EPHB2: variants seen among roughly 807,000 people sequenced by gnomAD.
The protein encoded by EPHB2 is EPH receptor B2.
A neutral mutation model predicts 96.4 loss-of-function variants in EPHB2; 18 were observed. The observed-to-expected ratio is 0.19, with a 90% confidence interval of 0.13 to 0.28. The LOEUF (loss-of-function observed/expected upper bound fraction) is 0.28, where lower values mean the gene tolerates loss of function less well. Among genes scored for constraint, EPHB2 ranks in the 10% least tolerant of loss-of-function variants. The pLI, the probability that EPHB2 is intolerant of heterozygous loss-of-function variation, is 1.00. For synonymous variants in EPHB2, 506 were observed against 534.1 expected, an observed-to-expected ratio of 0.95 and a Z score of 0.72; for missense variants, 989 against 1,355.4, an observed-to-expected ratio of 0.73 and a Z score of 4.25.
intron 3 of EPHB2, among the ~76,000 whole-genome samples, chr1:22,787,539 C>T (rs1644629962): frequency 6.6e-6 from 1 of 152,100 alleles, no homozygotes; most frequent in African/African-American, 2.4e-5. Context: ...TGCTTGAGCC[C>T]AGGAGTTTCA....
chr1:22,807,961 C>T (rs2817877), intron 3 of EPHB2, among the ~76,000 whole-genome samples: 1 of 152,096 alleles, frequency 6.6e-6, no homozygotes, highest in Non-Finnish European at 1.5e-5. Flanking sequence ...TGGTGAAACC[C>T]TGTCTCTACT....
chr1:22,711,950 T>A (rs891555896), intron 1 of EPHB2, among the ~76,000 whole-genome samples: 6 of 152,198 alleles, frequency 3.9e-5, no homozygotes, highest in African/African-American at 1.4e-4. Flanking sequence ...TCTGGGTGTG[T>A]CCACCAGGAA....
At chr1:22,849,126 C>A (rs919421125) in intron 3 of EPHB2, among the ~76,000 whole-genome samples, 2 of 152,104 alleles carry the variant, frequency 1.3e-5, no homozygotes, top group East Asian at 3.8e-4. Flanking sequence ...TCTGTTAATA[C>A]CCCACTCCCA....
chr1:22,905,195 TA>T (rs1557748425), intron 9 of EPHB2, among the ~76,000 whole-genome samples: 1 of 152,002 alleles, frequency 6.6e-6, no homozygotes, highest in Non-Finnish European at 1.5e-5. Flanking sequence ...TCTTAGTGCA[TA>T]AAAAAATAAG....
At chr1:22,896,539 C>A (rs1639570567) in intron 9 of EPHB2, 61 bp downstream of exon 9, 1 of 1,597,350 alleles carries the variant, frequency 6.3e-7, no homozygotes, top group African/African-American at 1.3e-5. Context: ...TCCCCAGTGA[C>A]CTCTTAAGCC....
chr1:22,877,916 T>A (rs111239660), intron 5 of EPHB2, among the ~76,000 whole-genome samples: 1 of 151,798 alleles, frequency 6.6e-6, no homozygotes, highest in Non-Finnish European at 1.5e-5. Flanking sequence ...CAGTGGGGGG[T>A]GTTGTGGGGA....
intron 2 of EPHB2, among the ~76,000 whole-genome samples, chr1:22,783,915 G>A (rs976298479): frequency 6.6e-6 from 1 of 152,158 alleles, no homozygotes; most frequent in East Asian, 1.9e-4. Flanking sequence ...TGAGGATGAG[G>A]ACTGTCTTCC....
chr1:22,727,664 A>G (rs2165330), intron 1 of EPHB2, among the ~76,000 whole-genome samples: 3,441 of 152,168 alleles, frequency 0.023, 128 homozygotes, highest in African/African-American at 0.078. Context: ...GATCTATAGC[A>G]TAAAACTCCT....
At chr1:22,748,539 G>T in intron 1 of EPHB2, among the ~76,000 whole-genome samples, 1 of 151,786 alleles carries the variant, frequency 6.6e-6, no homozygotes, top group East Asian at 2.0e-4. Flanking sequence ...ACACCATCAT[G>T]CCCAGCTAAT....
rs1643762027 is a variant in EPHB2 at position 22,733,555 on chromosome 1, A to ACCATGG, written c.61+22515_61+22520dup. Among the ~76,000 whole-genome samples, 1 of 152,212 alleles carries ACCATGG rather than the reference A, an allele frequency of 6.6e-6. No homozygotes were observed. Among genetic ancestry groups the ACCATGG allele is most frequent in the Non-Finnish European group, 1.5e-5 (1 of 68,042 alleles). ...TTTTGCACGGTGGAAATCAGCATAT[A>ACCATGG]CCATGGCCTTATTATGTGCCATGTT... On this transcript the variant is annotated intron_variant, in intron 1 of 15. Coordinates refer to ENST00000374630, the MANE Select transcript of EPHB2 (RefSeq NM_017449.5). The surrounding 1 kb of genome is among the most constrained non-coding windows in gnomAD (Gnocchi z 4.6).
In EPHB2 at chr1:22,841,082, C is replaced by G. The variant is rs1293411595; in HGVS notation, c.812-21955C>G. 1.2e-4 allele frequency among the ~76,000 whole-genome samples: 18 copies of G among 150,866 alleles called. No individual in the cohort carries two copies. The Admixed American group carries it at 1.2e-3, about 10-fold the overall frequency. ...CCCCAGCAAGGTGCCCACCACATAG[C>G]AGGTTCTCAATCAGTATCTGTGGAA... On this transcript the variant is annotated intron_variant, in intron 3 of 15. Coordinates refer to ENST00000374630, the MANE Select transcript of EPHB2 (RefSeq NM_017449.5).
chr1:22,785,273 G>T (rs1322791638), intron 3 of EPHB2, among the ~76,000 whole-genome samples, 197 bp downstream of exon 3: 1 of 152,210 alleles, frequency 6.6e-6, no homozygotes, highest in Non-Finnish European at 1.5e-5. Flanking sequence ...TTCTGAAAAC[G>T]ATCCGCGCAC....
chr1:22,774,677 C>T, intron 1 of EPHB2: 2 of 938,000 alleles, frequency 2.1e-6, no homozygotes, highest in Non-Finnish European at 2.5e-6. Context: ...CCTCGAGTAC[C>T]TTGTTAAGAG....
At chr1:22,886,210 G>T (rs550943295) in intron 6 of EPHB2, among the ~76,000 whole-genome samples, 4 of 152,200 alleles carry the variant, frequency 2.6e-5, no homozygotes, top group Non-Finnish European at 5.9e-5. Flanking sequence ...CACCAAACGC[G>T]CAGGTGGGAA....
At position 22,785,139 on chromosome 1, in the gene EPHB2, C is replaced by T. The variant is rs1057258786; in HGVS notation, c.811+63C>T. The T allele has an allele frequency of 3.3e-5, 52 of 1,588,044 alleles. No homozygotes were observed. In the Middle Eastern group the frequency reaches 5.8e-4, roughly 18 times the overall value. Reference sequence around the variant, plus strand: ...ATAGAACTGGTCTTGGCTGCAGACTCGGGCTGCAGACTTGGGCCTGGCCTC... The same window carrying T: ...ATAGAACTGGTCTTGGCTGCAGACTTGGGCTGCAGACTTGGGCCTGGCCTC... On this transcript the variant is annotated intron_variant, in intron 3 of 15. Coordinates refer to ENST00000374630, the MANE Select transcript of EPHB2 (RefSeq NM_017449.5).
intron 1 of EPHB2, among the ~76,000 whole-genome samples, chr1:22,723,018 G>A (rs533250053): frequency 1.3e-5 from 2 of 152,340 alleles, no homozygotes; most frequent in South Asian, 2.1e-4. Context: ...TGAGAATGGG[G>A]CATGCCAAGC....
At chr1:22,711,117 T>G (rs1643125636) in intron 1 of EPHB2, 74 bp downstream of exon 1, 1 of 144,210 alleles carries the variant, frequency 6.9e-6, no homozygotes, top group African/African-American at 2.5e-5. Context: ...GGCGCCCACC[T>G]CCGCTCCGCG....
chr1:22,750,793 C>T (rs578258633), intron 1 of EPHB2, among the ~76,000 whole-genome samples: 3 of 152,328 alleles, frequency 2.0e-5, no homozygotes, highest in East Asian at 1.9e-4. Flanking sequence ...ATCCCCATTA[C>T]GACTTTATGA....
intron 5 of EPHB2, among the ~76,000 whole-genome samples, chr1:22,870,593 C>A (rs960235285): frequency 2.6e-5 from 4 of 152,188 alleles, no homozygotes; most frequent in Admixed American, 6.5e-5. Context: ...GAATGACAAG[C>A]AGACAGCCCT....
Sources: gnomAD v4.1 joint callset for allele counts (sites outside exome capture counted in the v4.1 genomes callset) on GRCh38, gnomAD v4.1.1 for gene constraint, Gnocchi (gnomAD v3.1) non-coding constraint, MANE v1.5 for transcripts, NCBI Gene and HGNC (gene_info 2026-07-23, HGNC 2026-07-21) for gene names.